GRM7: variants seen among roughly 807,000 people sequenced by gnomAD.
GRM7 encodes glutamate metabotropic receptor 7.
A neutral mutation model predicts 84.5 loss-of-function variants in GRM7; 35 were observed. The observed-to-expected ratio is 0.41, with a 90% CI of 0.32 to 0.55. The LOEUF (loss-of-function observed/expected upper bound fraction) is 0.55. Among genes scored for constraint, GRM7 ranks in the 20% least tolerant of loss-of-function variants. GRM7 has a pLI of 0.19. For synonymous variants in GRM7, 487 were observed against 455.1 expected (o/e 1.07, Z -0.89); for missense variants, 1,003 against 1,194.6 (o/e 0.84, Z 2.36).
chr3:7,189,685 G>A (rs1031775342), intron 2 of GRM7, among the ~76,000 whole-genome samples: 1 of 152,068 alleles, frequency 6.6e-6, no homozygotes, highest in Non-Finnish European at 1.5e-5. Context: ...AGGAGGAGCT[G>A]GTTTGCAGGA....
chr3:7,083,915 T>C (rs539380323), intron 1 of GRM7, among the ~76,000 whole-genome samples: 39 of 152,144 alleles, frequency 2.6e-4, no homozygotes, highest in African/African-American at 9.2e-4. Context: ...TGAGTGGCAA[T>C]GAGGTGGGAA....
chr3:7,160,576 C>G (rs1694592715), intron 2 of GRM7, among the ~76,000 whole-genome samples: 1 of 152,172 alleles, frequency 6.6e-6, no homozygotes, highest in African/African-American at 2.4e-5. Context: ...GCTACCACCA[C>G]TGACTCCCTT....
intron 4 of GRM7, among the ~76,000 whole-genome samples, chr3:7,344,325 A>G (rs111398063): frequency 0.042 from 6,335 of 152,228 alleles, 292 homozygotes; most frequent in African/African-American, 0.12. Flanking sequence ...GTTCCAACTT[A>G]TAAGTGAGAA....
intron 2 of GRM7, among the ~76,000 whole-genome samples, chr3:7,173,396 ACCCC>A (rs1471108035): frequency 6.6e-6 from 1 of 151,896 alleles, no homozygotes; most frequent in Non-Finnish European, 1.5e-5. Flanking sequence ...CTCCGGCTCC[ACCCC>A]ATCCCTCTTT....
chr3:7,165,390 A>G (rs1694769138), intron 2 of GRM7, among the ~76,000 whole-genome samples: 1 of 152,250 alleles, frequency 6.6e-6, no homozygotes, highest in Non-Finnish European at 1.5e-5. Context: ...CTATCAGAGT[A>G]ATATAGAATC....
intron 8 of GRM7, among the ~76,000 whole-genome samples, chr3:7,645,546 TAAAAAAAAAAA>T (rs71043684): frequency 1.1e-5 from 1 of 87,792 alleles, no homozygotes; most frequent in Non-Finnish European, 2.1e-5. Context: ...GACTCCATCT[TAAAAAAAAAAA>T]AAAAAAAAAA....
intron 8 of GRM7, among the ~76,000 whole-genome samples, chr3:7,656,604 A>T (rs201612140): frequency 1.3e-5 from 2 of 151,680 alleles, no homozygotes; most frequent in Non-Finnish European, 2.9e-5. Flanking sequence ...ACAGAGGAAA[A>T]GCAGGTCGTG....
intron 8 of GRM7, 62 bp from the exon 9 acceptor site, chr3:7,679,987 T>C: frequency 6.6e-7 from 1 of 1,519,882 alleles, no homozygotes; most frequent in Non-Finnish European, 9.1e-7. Context: ...TCGCTTTAAG[T>C]GTTCAGACCC....
At chr3:7,105,056 T>C (rs1409769758) in intron 1 of GRM7, among the ~76,000 whole-genome samples, 1 of 151,862 alleles carries the variant, frequency 6.6e-6, no homozygotes, top group Non-Finnish European at 1.5e-5. Flanking sequence ...CCTTTACTAG[T>C]AGGTACAAAA....
rs2124944048 is a variant in GRM7 at position 7,486,419 on chromosome 3, G to A, written c.1515+24697G>A. On this transcript the variant is annotated intron_variant, in intron 7 of 9. Coordinates refer to ENST00000357716, the MANE Select transcript of GRM7 (RefSeq NM_000844.4). The surrounding 1 kb of genome is among the most constrained non-coding windows in gnomAD (Gnocchi z 5.5). ...TTGAGGCTTGGTCTCCAATGTGGCA[G>A]TGTTGGGAGATGATACCATTGAGAG... 6.6e-6 allele frequency among the ~76,000 whole-genome samples: 1 copy of A among 152,280 alleles called. No homozygotes were observed. The highest frequency in any genetic ancestry group is 1.9e-4 in the East Asian group (1 of 5,168).
intron 7 of GRM7, among the ~76,000 whole-genome samples, chr3:7,544,247 C>A (rs966556753): frequency 6.6e-6 from 1 of 152,166 alleles, no homozygotes; most frequent in African/African-American, 2.4e-5. Flanking sequence ...ACTGCAGACT[C>A]GAACTCCGGG....
At chr3:7,324,053 A>C (rs181478114) in intron 4 of GRM7, among the ~76,000 whole-genome samples, 1 of 152,082 alleles carries the variant, frequency 6.6e-6, no homozygotes, top group Non-Finnish European at 1.5e-5. Flanking sequence ...AGTTCATTCT[A>C]ATTATATATT....
intron 8 of GRM7, among the ~76,000 whole-genome samples, chr3:7,664,879 T>TCTC (rs144292636): frequency 3.0e-5 from 1 of 33,826 alleles, no homozygotes; most frequent in Non-Finnish European, 6.0e-5. Context: ...CTACTCTTGA[T>TCTC]CTCAAATTAG....
At chr3:6,901,387 C>T (rs1218615978) in intron 1 of GRM7, among the ~76,000 whole-genome samples, 3 of 151,866 alleles carry the variant, frequency 2.0e-5, no homozygotes, top group Non-Finnish European at 4.4e-5. Context: ...ATCATGAGGT[C>T]AAGAGATCAA....
chr3:6,988,293 T>C (rs572540276), intron 1 of GRM7, among the ~76,000 whole-genome samples: 1 of 149,710 alleles, frequency 6.7e-6, no homozygotes, highest in Non-Finnish European at 1.5e-5. Flanking sequence ...ACAGGCGTGA[T>C]CCACTGCGCC....
At chr3:7,460,591 T>C (rs1171073215) in intron 6 of GRM7, among the ~76,000 whole-genome samples, 1 of 152,152 alleles carries the variant, frequency 6.6e-6, no homozygotes, top group Non-Finnish European at 1.5e-5. Flanking sequence ...TATTAGCCTA[T>C]AGACAGATAG....
At chr3:6,912,324 G>C (rs1696800833) in intron 1 of GRM7, among the ~76,000 whole-genome samples, 1 of 152,150 alleles carries the variant, frequency 6.6e-6, no homozygotes, top group Admixed American at 6.5e-5. Flanking sequence ...AGGTGTTGGT[G>C]TGAAGAATTT....
chr3:7,674,673 C>A lies in GRM7; in HGVS notation c.2452-5376C>A, dbSNP rs138192889. Among the ~76,000 whole-genome samples the A allele has an allele frequency of 2.6e-5, 4 of 152,250 alleles. No individual in the cohort carries two copies. The East Asian group carries it at 7.7e-4, about 29-fold the overall frequency. On this transcript the variant is annotated intron_variant, in intron 8 of 9. Coordinates refer to ENST00000357716, the MANE Select transcript of GRM7 (RefSeq NM_000844.4). ...AGAATGCATTGTTATTAATTATAGTCACCATGTTGTGCAACAGATGTCTTT... is the reference window on the plus strand; with the variant it reads ...AGAATGCATTGTTATTAATTATAGTAACCATGTTGTGCAACAGATGTCTTT...
chr3:7,693,546 T>C, intron 9 of GRM7: 1 of 807,764 alleles, frequency 1.2e-6, no homozygotes. Flanking sequence ...TCCCTCATTT[T>C]TGTCATGTTT....
Sources: allele counts gnomAD v4.1 joint callset (sites outside exome capture counted in the v4.1 genomes callset), GRCh38; gene constraint gnomAD v4.1.1; non-coding constraint Gnocchi (gnomAD v3.1); transcripts MANE v1.5; gene names NCBI Gene and HGNC (gene_info 2026-07-23, HGNC 2026-07-21).